Variants in CPAMD8 observed in about 807,000 individuals in gnomAD.
CPAMD8 encodes C3 and PZP like alpha-2-macroglobulin domain containing 8.
CPAMD8 carries 146 observed loss-of-function variants against 224.7 expected under a neutral mutation model. The observed-to-expected ratio is 0.65, with a 90% CI of 0.57 to 0.75. CPAMD8 has a LOEUF of 0.75. Ranked by LOEUF, CPAMD8 falls within the 30% of genes least tolerant of loss-of-function variation. The probability of loss-of-function intolerance (pLI) is 0.00; values close to 1 mark genes in which losing one functional copy is unlikely to be tolerated. For synonymous variants in CPAMD8, 966 were observed against 1,044.6 expected (o/e 0.92, Z 1.45); for missense variants, 2,301 against 2,537.5 (o/e 0.91, Z 2.00).
chr19:17,024,904 G>A (rs1304572804), intron 1 of CPAMD8, among the ~76,000 whole-genome samples: 2 of 152,182 alleles, frequency 1.3e-5, no homozygotes, highest in East Asian at 1.9e-4. Context: ...TGACAGAAGT[G>A]GGCATCCAGA....
intron 6 of CPAMD8, chr19:17,008,764 C>G (rs2056566411): frequency 1.6e-6 from 1 of 643,246 alleles, no homozygotes. Context: ...CTGGGCCTAC[C>G]TCCTCATTTA....
chr19:17,002,842 G>A (rs1009197825), intron 8 of CPAMD8, among the ~76,000 whole-genome samples: 2 of 152,118 alleles, frequency 1.3e-5, no homozygotes, highest in Admixed American at 6.6e-5. Context: ...AGAAAGAATC[G>A]GGTCCTGAGA....
At chr19:16,970,018 A>G (rs2054997136) in intron 18 of CPAMD8, among the ~76,000 whole-genome samples, 1 of 150,724 alleles carries the variant, frequency 6.6e-6, no homozygotes, top group Admixed American at 6.6e-5. Context: ...GCGAATCACA[A>G]GGTCAGGAGA....
chr19:16,918,378 A>G (rs952564244), intron 27 of CPAMD8, among the ~76,000 whole-genome samples: 17 of 152,050 alleles, frequency 1.1e-4, no homozygotes, highest in Non-Finnish European at 2.2e-4. Context: ...CATGAATTCA[A>G]TATTGTACTC....
At chr19:16,919,258 C>T (rs1008388612) in intron 27 of CPAMD8, among the ~76,000 whole-genome samples, 6 of 151,936 alleles carry the variant, frequency 3.9e-5, no homozygotes, top group Admixed American at 2.6e-4. Flanking sequence ...AACAGCCTGA[C>T]TTGTAAGACC....
intron 23 of CPAMD8, among the ~76,000 whole-genome samples, chr19:16,930,207 A>G (rs2053504658): frequency 1.3e-5 from 2 of 151,900 alleles, no homozygotes; most frequent in South Asian, 4.1e-4. Context: ...GTGAGCTGAG[A>G]TCGTGCCACT....
At chr19:16,934,171 G>A (rs561055454) in intron 23 of CPAMD8, among the ~76,000 whole-genome samples, 15 of 152,236 alleles carry the variant, frequency 9.9e-5, no homozygotes, top group East Asian at 5.8e-4. Context: ...CCTAGTGATG[G>A]AGTAAACAGG....
intron 1 of CPAMD8, 26 bp downstream of exon 1, chr19:17,026,525 C>A: frequency 6.8e-7 from 1 of 1,475,994 alleles, no homozygotes; most frequent in South Asian, 1.3e-5. Flanking sequence ...GGCGACCGAC[C>A]TCCTCTGTCG....
chr19:16,929,508 C>T (rs1476758789), intron 23 of CPAMD8, among the ~76,000 whole-genome samples: 4 of 152,118 alleles, frequency 2.6e-5, no homozygotes, highest in African/African-American at 9.7e-5. Context: ...AGTTCAAGAC[C>T]AGCCTGGGCA....
At position 17,022,131 on chromosome 19, in the gene CPAMD8, A is replaced by C. The variant is rs1439789074; in HGVS notation, c.143T>G (p.Val48Gly). 1.9e-6 allele frequency: 3 copies of C among 1,608,866 alleles called. No individual in the cohort carries two copies. Among genetic ancestry groups the C allele is most frequent in the Non-Finnish European group, 2.5e-6 (3 of 1,177,500 alleles). The change falls in exon 2 of 42, where the codon GTC becomes GGC. Residue 48 changes from valine (V) to glycine (G), a missense_variant. This residue lies in a region of CPAMD8 where 283 missense variants were observed against 340.6 expected (regional missense o/e 0.83). Transcript: ENST00000443236. ...PSVFRAGVEE[V>G]ISVTIFNSPR... ...AGAGTTAAAGATGGTCACGCTGATG[A>C]CTTCCTCCACGCCCGCGCGAAAAAC...
intron 8 of CPAMD8, among the ~76,000 whole-genome samples, chr19:17,003,978 C>T (rs1261540808): frequency 6.6e-6 from 1 of 151,476 alleles, no homozygotes; most frequent in Non-Finnish European, 1.5e-5. Flanking sequence ...GCGATCTTGG[C>T]TCACTGCAAC....
chr19:16,969,884 A>AAC (rs940087624), intron 18 of CPAMD8, among the ~76,000 whole-genome samples: 15 of 150,502 alleles, frequency 1.0e-4, no homozygotes, highest in East Asian at 9.8e-4. Context: ...AAAAAAAAAA[A>AAC]AAAAACAAAA....
chr19:16,896,076 G>A lies in CPAMD8; in HGVS notation c.5426+100C>T, dbSNP rs760922188. 13 of 1,350,186 alleles carry A rather than the reference G, an allele frequency of 9.6e-6. No homozygotes were observed. The East Asian group carries it at 2.8e-4, about 29-fold the overall frequency. The allele number at this position is 1,350,186 out of a possible 1,614,324, so 83.6% of individuals were successfully genotyped here. A position where few individuals can be genotyped will look rare whatever the true frequency, so the allele number is the denominator to read the frequency against. On this transcript the variant is annotated intron_variant, in intron 41 of 41. Transcript: ENST00000443236. The stretch of plus-strand genomic sequence containing the variant: ...TGCCAGTGGGGGGTCGGGGCGGGGC[G>A]GAGGAGTCGGGGCAGGTCGTCGGGG...
chr19:16,916,493 C>T (rs1365060390), intron 27 of CPAMD8, among the ~76,000 whole-genome samples: 1 of 152,202 alleles, frequency 6.6e-6, no homozygotes, highest in African/African-American at 2.4e-5. Context: ...CTCAAGTGAT[C>T]CTCCCACCTT....
Position 16,952,032 on chromosome 19 carries a change from G to T in CPAMD8, c.2445C>A (p.Ile815=). ...GGATCTTGACCTGCTCCCCACGGAT[G>T]ATGAGAGCGGGGAGCATGAAGTCCA... is the stretch of plus-strand genomic sequence containing the variant. ...FFVDFMLPAL[I]IRGEQVKIPL... is the part of the protein sequence containing the mutation. The change falls in exon 20 of 42, where the codon ATC becomes ATA. Residue 815 remains isoleucine, a synonymous_variant. Coordinates refer to ENST00000443236, the MANE Select transcript of CPAMD8 (RefSeq NM_015692.5). 1 of 1,584,692 alleles carries T rather than the reference G, an allele frequency of 6.3e-7. No homozygotes were observed. Among genetic ancestry groups the T allele is most frequent in the Non-Finnish European group, 8.6e-7 (1 of 1,163,932 alleles).
intron 13 of CPAMD8, among the ~76,000 whole-genome samples, chr19:16,983,469 G>A (rs1186527418): frequency 6.6e-6 from 1 of 152,096 alleles, no homozygotes; most frequent in Non-Finnish European, 1.5e-5. Flanking sequence ...CCAGTCGTGG[G>A]TATGTCTTTA....
At chr19:16,894,726 C>CAAT in intron 41 of CPAMD8, 1 of 323,884 alleles carries the variant, frequency 3.1e-6, no homozygotes, top group Non-Finnish European at 6.2e-6. Flanking sequence ...CTACCCATAG[C>CAAT]ACACTACCCA....
chr19:16,896,750 C>G, intron 39 of CPAMD8, 85 bp from the exon 40 acceptor site: 2 of 1,030,534 alleles, frequency 1.9e-6, no homozygotes, highest in Non-Finnish European at 2.6e-6. Flanking sequence ...GAAGATGTCC[C>G]TGGGTCCCGG....
chr19:16,908,202 T>C (rs2144786961), intron 29 of CPAMD8, among the ~76,000 whole-genome samples: 1 of 151,934 alleles, frequency 6.6e-6, no homozygotes, highest in African/African-American at 2.4e-5. Context: ...CTATTAAAAA[T>C]ACAAAAATTA....
Sources: gnomAD v4.1 joint callset for allele counts (sites outside exome capture counted in the v4.1 genomes callset) on GRCh38, gnomAD v4.1.1 for gene constraint, gnomAD v4.1.1 regional missense constraint, MANE v1.5 for transcripts, NCBI Gene and HGNC (gene_info 2026-07-23, HGNC 2026-07-21) for gene names.